Variants in CACNA1G observed in about 807,000 individuals in gnomAD.
CACNA1G encodes the protein voltage-dependent T-type calcium channel subunit alpha-1G.
In CACNA1G, 67 loss-of-function variants were observed where a neutral mutation model predicts 219.4. The observed-to-expected ratio is 0.31, with a 90% CI of 0.25 to 0.37. The LOEUF is 0.37. Among genes scored for constraint, CACNA1G ranks in the 10% least tolerant of loss-of-function variants. The pLI is 1.00. For missense variants in CACNA1G, 2,380 were observed against 3,231.4 expected (o/e 0.74, Z 6.39); for synonymous variants, 1,296 against 1,345.3 (o/e 0.96, Z 0.80).
At chr17:50,568,082 G>T (rs1171463676) in intron 1 of CACNA1G, among the ~76,000 whole-genome samples, 1 of 152,180 alleles carries the variant, frequency 6.6e-6, no homozygotes, top group East Asian at 1.9e-4. Context: ...TCATTTGAGG[G>T]TGTTGAGAGG....
chr17:50,569,148 T>C lies in CACNA1G; in HGVS notation c.355-17T>C. On this transcript the variant is annotated splice_polypyrimidine_tract_variant and intron_variant, in intron 2 of 37. Coordinates refer to ENST00000359106, the MANE Select transcript of CACNA1G (RefSeq NM_018896.5). ...CACCCACGTCTCAGTTTCAGCCACC[T>C]CTTGTCCCCACATCAGGCCTTTGAT... The C allele has an allele frequency of 6.2e-7, 1 of 1,612,140 alleles. No individual in the cohort carries two copies. Among genetic ancestry groups the C allele is most frequent in the African/African-American group, 1.3e-5 (1 of 75,038 alleles).
chr17:50,618,738 G>T lies in CACNA1G; in HGVS notation c.5511G>T (p.Thr1837=), dbSNP rs375464264. ...SPIYFVSFVL[T]AQFVLVNVVI... ...TCTACTTTGTGTCCTTCGTGCTGAC[G>T]GCCCAGTTCGTGCTAGTCAACGTGG... Residue 1837 remains threonine (T), a synonymous_variant, in exon 33 of 38, where the codon ACG becomes ACT. Coordinates refer to ENST00000359106, the MANE Select transcript of CACNA1G (RefSeq NM_018896.5). The surrounding 1 kb of genome is among the most constrained non-coding windows in gnomAD (Gnocchi z 5.3). 6.2e-7 allele frequency: 1 copy of T among 1,613,942 alleles called. No homozygotes were observed. Among genetic ancestry groups the T allele is most frequent in the Non-Finnish European group, 8.5e-7 (1 of 1,179,884 alleles).
At chr17:50,576,456 C>T in intron 8 of CACNA1G, 130 bp downstream of exon 8, 1 of 860,996 alleles carries the variant, frequency 1.2e-6, no homozygotes, top group Non-Finnish European at 1.8e-6. Flanking sequence ...ATGGCTTAGG[C>T]ACCTTCAACC....
In CACNA1G at chr17:50,561,608, G is replaced by A. The variant is rs772326081; in HGVS notation, c.149G>A (p.Gly50Glu). Residue 50 changes from glycine to glutamate, a missense_variant, in exon 1 of 38, where the codon GGG becomes GAG. Around this residue, in one of 17 missense-constraint regions of CACNA1G, gnomAD observed 98 missense variants for 85.5 expected, o/e 1.15. Coordinates refer to ENST00000359106, the MANE Select transcript of CACNA1G (RefSeq NM_018896.5). ...GGCAGCGCGGACTCCGAGGCGGAGG[G>A]GCTGCCGTACCCGGCGCTGGCCCCG... ...DPGSADSEAE[G>E]LPYPALAPVV... 3.1e-6 allele frequency: 5 copies of A among 1,589,114 alleles called. No homozygotes were observed. Among genetic ancestry groups the A allele is most frequent in the Non-Finnish European group, 4.3e-6 (5 of 1,169,248 alleles).
intron 3 of CACNA1G, 41 bp downstream of exon 3, chr17:50,569,339 C>T (rs1484437266): frequency 1.4e-5 from 23 of 1,604,420 alleles, no homozygotes; most frequent in Admixed American, 5.0e-5. Context: ...TGGATCAGAT[C>T]GGTCCCTTCC....
Position 50,621,599 on chromosome 17 carries a change from T to TGTGCACGCGCGTGTGCGC in CACNA1G, c.5926-60_5926-43dup, listed in dbSNP as rs2052061274. ...GACTGAGAGAGAGCGCGTGTGTGCG[T>TGTGCACGCGCGTGTGCGC]GTGCACGCGCGTGTGCGCTGTCCTG... On this transcript the variant is annotated intron_variant, in intron 34 of 37. Coordinates refer to ENST00000359106, the MANE Select transcript of CACNA1G (RefSeq NM_018896.5). This position sits in a 1 kb window ranked among gnomAD's most constrained non-coding sequence, Gnocchi z 4.6. The TGTGCACGCGCGTGTGCGC allele has an allele frequency of 6.3e-7, 1 of 1,574,962 alleles. No homozygotes were observed. Among genetic ancestry groups the TGTGCACGCGCGTGTGCGC allele is most frequent in the Non-Finnish European group, 8.7e-7 (1 of 1,150,658 alleles).
intron 25 of CACNA1G, 131 bp from the exon 26 acceptor site, chr17:50,609,751 C>A: frequency 2.9e-6 from 2 of 698,914 alleles, no homozygotes; most frequent in Non-Finnish European, 4.8e-6. Context: ...TCAGAGCCAG[C>A]CACCCAATGG....
chr17:50,577,221 G>A (rs2040875936), intron 8 of CACNA1G, among the ~76,000 whole-genome samples: 1 of 151,996 alleles, frequency 6.6e-6, no homozygotes, highest in Non-Finnish European at 1.5e-5. Context: ...GGCAAGGCTG[G>A]GCCCATAATT....
At chr17:50,587,097 T>G (rs895613578) in intron 9 of CACNA1G, among the ~76,000 whole-genome samples, 2 of 152,008 alleles carry the variant, frequency 1.3e-5, no homozygotes, top group African/African-American at 4.8e-5. Context: ...CAGTGAGGGG[T>G]GGCTGGCTCC....
intron 27 of CACNA1G, 114 bp from the exon 28 acceptor site, chr17:50,616,161 G>A: frequency 1.6e-6 from 1 of 638,632 alleles, no homozygotes; most frequent in Non-Finnish European, 2.8e-6. Flanking sequence ...GAGAAGACAG[G>A]GCTCCTTGGA....
At chr17:50,623,551 G>A (rs1021625348) in intron 35 of CACNA1G, among the ~76,000 whole-genome samples, 3 of 152,032 alleles carry the variant, frequency 2.0e-5, no homozygotes, top group Admixed American at 2.0e-4. Context: ...CTGCAGGGCT[G>A]GGGGCTGGGG....
rs753780794 is a variant in CACNA1G at position 50,617,395 on chromosome 17, A to T, written c.5022-43A>T. On this transcript the variant is annotated intron_variant, in intron 28 of 37. Coordinates refer to ENST00000359106, the MANE Select transcript of CACNA1G (RefSeq NM_018896.5). This position sits in a 1 kb window ranked among gnomAD's most constrained non-coding sequence, Gnocchi z 5.8. The stretch of plus-strand genomic sequence containing the variant: ...GCCACGACTGCCCCCTCCTTCAGGA[A>T]CCCCCTCCCCCAACTCAGGGAGCTG... 1 of 1,579,812 alleles carries T rather than the reference A, an allele frequency of 6.3e-7. No individual in the cohort carries two copies. Among genetic ancestry groups the T allele is most frequent in the South Asian group, 1.2e-5 (1 of 86,804 alleles).
Position 50,616,266 on chromosome 17 carries a change from C to G in CACNA1G, c.4912-9C>G, listed in dbSNP as rs761270303. ...AAGGGACCCTGCATCTTGCCCCCAT[C>G]CCTGCCAGATTCTGGATGAGGCTCT... On this transcript the variant is annotated splice_polypyrimidine_tract_variant and intron_variant, in intron 27 of 37. Transcript: ENST00000359106. The G allele has an allele frequency of 1.3e-5, 21 of 1,576,972 alleles. No individual in the cohort carries two copies. The South Asian group carries it at 2.1e-4, about 16-fold the overall frequency.
intron 9 of CACNA1G, among the ~76,000 whole-genome samples, chr17:50,582,149 T>C (rs1665879832): frequency 6.6e-6 from 1 of 152,204 alleles, no homozygotes; most frequent in Non-Finnish European, 1.5e-5. Context: ...ATTTACTTGA[T>C]GTGGCACATG....
chr17:50,602,956 G>T, intron 20 of CACNA1G, 59 bp from the exon 21 acceptor site: 5 of 1,611,408 alleles, frequency 3.1e-6, no homozygotes, highest in Non-Finnish European at 3.4e-6. Context: ...TTGGGCTGAG[G>T]GTGGGAGGGT....
intron 26 of CACNA1G, among the ~76,000 whole-genome samples, chr17:50,614,025 G>A (rs1211259224): frequency 2.0e-5 from 3 of 152,260 alleles, no homozygotes; most frequent in Non-Finnish European, 2.9e-5. Context: ...TGTCTGCTCC[G>A]TGGTCATCCA....
Position 50,561,164 on chromosome 17 carries a change from G to C in CACNA1G, c.-296G>C. On this transcript the variant is annotated 5_prime_UTR_variant, in exon 1 of 38. Coordinates refer to ENST00000359106, the MANE Select transcript of CACNA1G (RefSeq NM_018896.5). ...GGCAACCGGAGCCTGGGCGCGAAGC[G>C]AAGAAGCCGGAACAAAGTGAGGGGG... 1 of 548,328 alleles carries C rather than the reference G, an allele frequency of 1.8e-6. No homozygotes were observed. Among genetic ancestry groups the C allele is most frequent in the Non-Finnish European group, 3.4e-6 (1 of 297,632 alleles). 34.0% of individuals were successfully genotyped at this position (548,328 alleles called of 1,614,324 possible). A position where few individuals can be genotyped will look rare whatever the true frequency, so the allele number is the denominator to read the frequency against.
Position 50,603,371 on chromosome 17 carries a change from C to T in CACNA1G, c.4169+172C>T, listed in dbSNP as rs768116715. 1.4e-4 allele frequency among the ~76,000 whole-genome samples: 22 copies of T among 152,282 alleles called. No individual in the cohort carries two copies. The highest frequency in any genetic ancestry group is 3.4e-3 in the Middle Eastern group (1 of 294). On this transcript the variant is annotated intron_variant, in intron 21 of 37. Coordinates refer to ENST00000359106, the MANE Select transcript of CACNA1G (RefSeq NM_018896.5). This position sits in a 1 kb window ranked among gnomAD's most constrained non-coding sequence, Gnocchi z 6.4. ...CCCCAGACAACACTCAGATTACGGC[C>T]GCAGTAATTTCCCTCCAGGTGCACA...
At chr17:50,623,679 G>C (rs1044608131) in intron 35 of CACNA1G, among the ~76,000 whole-genome samples, 3 of 151,976 alleles carry the variant, frequency 2.0e-5, no homozygotes, top group Admixed American at 2.0e-4. Context: ...AGACTCTCCC[G>C]GCTGCCCAGA....
Sources: gnomAD v4.1 joint callset for allele counts (sites outside exome capture counted in the v4.1 genomes callset) on GRCh38, gnomAD v4.1.1 for gene constraint, gnomAD v4.1.1 regional missense constraint, Gnocchi (gnomAD v3.1) non-coding constraint, MANE v1.5 for transcripts, NCBI Gene and HGNC (gene_info 2026-07-23, HGNC 2026-07-21) for gene names.